Variants in DSCAM observed in about 807,000 individuals in gnomAD.
DSCAM encodes the protein cell adhesion molecule DSCAM.
A neutral mutation model predicts 217.7 loss-of-function variants in DSCAM; 47 were observed. The observed-to-expected ratio is 0.22, with a 90% CI of 0.17 to 0.28. DSCAM has a LOEUF of 0.28. Among genes scored for constraint, DSCAM ranks in the 10% least tolerant of loss-of-function variants. DSCAM has a pLI of 1.00. For synonymous variants in DSCAM, 1,056 were observed against 1,015.3 expected (o/e 1.04, Z -0.76); for missense variants, 2,080 against 2,618.3 (o/e 0.79, Z 4.49).
intron 8 of DSCAM, among the ~76,000 whole-genome samples, chr21:40,319,816 G>A (rs1210494202): frequency 6.6e-6 from 1 of 152,062 alleles, no homozygotes; most frequent in Non-Finnish European, 1.5e-5. Flanking sequence ...CACTCAGAGT[G>A]GGCACCAAGA....
At chr21:40,022,864 ATTTTC>A (rs925085549) in intron 32 of DSCAM, among the ~76,000 whole-genome samples, 4 of 150,770 alleles carry the variant, frequency 2.7e-5, no homozygotes, top group African/African-American at 7.3e-5. Context: ...TTTTAGCAGT[ATTTTC>A]TTTTCTTTTT....
At chr21:40,432,656 T>C (rs945488071) in intron 3 of DSCAM, among the ~76,000 whole-genome samples, 3 of 152,218 alleles carry the variant, frequency 2.0e-5, no homozygotes, top group African/African-American at 4.8e-5. Flanking sequence ...TGCCCTAAAA[T>C]AGATGCCCCT....
intron 3 of DSCAM, among the ~76,000 whole-genome samples, chr21:40,380,393 G>T (rs771764705): frequency 5.1e-4 from 78 of 152,068 alleles, no homozygotes; most frequent in Non-Finnish European, 7.5e-4. Context: ...CTTATAAATT[G>T]TATTTATTTA....
intron 11 of DSCAM, among the ~76,000 whole-genome samples, chr21:40,252,400 A>G (rs1275025631): frequency 6.6e-6 from 1 of 152,156 alleles, no homozygotes; most frequent in Non-Finnish European, 1.5e-5. Context: ...AGATATAAAC[A>G]GCATTGTCTC....
intron 3 of DSCAM, among the ~76,000 whole-genome samples, chr21:40,687,283 T>C (rs9653729): frequency 0.23 from 35,640 of 152,116 alleles, 4,484 homozygotes; most frequent in Middle Eastern, 0.26. Context: ...AAGATGAGGC[T>C]TTCAGGTGAC....
At chr21:40,376,380 T>C (rs2074950606) in intron 3 of DSCAM, among the ~76,000 whole-genome samples, 1 of 149,094 alleles carries the variant, frequency 6.7e-6, no homozygotes, top group Non-Finnish European at 1.5e-5. Flanking sequence ...AAAATAGAAG[T>C]GGAAATAGAA....
At chr21:40,233,752 G>A (rs1339220334) in intron 11 of DSCAM, among the ~76,000 whole-genome samples, 2 of 152,080 alleles carry the variant, frequency 1.3e-5, no homozygotes, top group East Asian at 1.9e-4. Flanking sequence ...TTGACAGAAC[G>A]GTATCTACTA....
At chr21:40,662,391 G>A (rs1056439212) in intron 3 of DSCAM, among the ~76,000 whole-genome samples, 1 of 151,990 alleles carries the variant, frequency 6.6e-6, no homozygotes, top group Non-Finnish European at 1.5e-5. Context: ...TATTGAGACT[G>A]GCATATTTAA....
intron 8 of DSCAM, among the ~76,000 whole-genome samples, chr21:40,324,697 G>A (rs1201614507): frequency 2.6e-5 from 4 of 152,150 alleles, no homozygotes; most frequent in Non-Finnish European, 1.5e-5. Context: ...GACAGGTTAT[G>A]TTTCCCCTGG....
intron 3 of DSCAM, among the ~76,000 whole-genome samples, chr21:40,377,827 G>C (rs2074978655): frequency 1.3e-5 from 2 of 152,104 alleles, no homozygotes. Flanking sequence ...ACTTCTAAAG[G>C]ATGCTGCAAA....
At chr21:40,560,340 G>A (rs1463396653) in intron 3 of DSCAM, among the ~76,000 whole-genome samples, 1 of 152,136 alleles carries the variant, frequency 6.6e-6, no homozygotes. Flanking sequence ...GGCTCCAGGG[G>A]GACCCCCTGT....
chr21:40,566,527 A>G lies in DSCAM; in HGVS notation c.508+126283T>C, dbSNP rs1220120675. 2.0e-5 allele frequency among the ~76,000 whole-genome samples: 3 copies of G among 152,208 alleles called. No homozygotes were observed. The East Asian group carries it at 5.8e-4, about 29-fold the overall frequency. On this transcript the variant is annotated intron_variant, in intron 3 of 32. Coordinates refer to ENST00000400454, the MANE Select transcript of DSCAM (RefSeq NM_001389.5). ...CTACTCACCACCCAACACATTATTC[A>G]TTATGCAAAAGTAATTTGAATTCAT... is the stretch of plus-strand genomic sequence containing the variant.
At chr21:40,046,772 G>T (rs1194586655) in intron 30 of DSCAM, among the ~76,000 whole-genome samples, 1 of 151,908 alleles carries the variant, frequency 6.6e-6, no homozygotes, top group Non-Finnish European at 1.5e-5. Context: ...ATGGAAGTTG[G>T]GGGGTGGTTG....
intron 3 of DSCAM, among the ~76,000 whole-genome samples, chr21:40,491,048 C>T (rs1164688174): frequency 1.3e-5 from 2 of 152,116 alleles, no homozygotes; most frequent in African/African-American, 4.8e-5. Flanking sequence ...TGAGTCTCTG[C>T]CCCCGTGTTT....
chr21:40,807,466 T>G (rs2123525620), intron 1 of DSCAM, among the ~76,000 whole-genome samples: 2 of 150,278 alleles, frequency 1.3e-5, no homozygotes, highest in South Asian at 2.2e-4. Context: ...TGGGGCGGGA[T>G]GGGGGTGGAG....
chr21:40,253,999 G>A (rs1477699280), intron 11 of DSCAM, among the ~76,000 whole-genome samples: 1 of 152,208 alleles, frequency 6.6e-6, no homozygotes, highest in African/African-American at 2.4e-5. Context: ...CACTGCTGGT[G>A]TCTGACATAA....
At chr21:40,166,116 T>A (rs1034696879) in intron 16 of DSCAM, among the ~76,000 whole-genome samples, 3 of 152,128 alleles carry the variant, frequency 2.0e-5, no homozygotes, top group African/African-American at 7.2e-5. Flanking sequence ...AAAATCCATT[T>A]TTGTTACAGA....
At chr21:40,518,757 A>T (rs2076336026) in intron 3 of DSCAM, among the ~76,000 whole-genome samples, 1 of 150,066 alleles carries the variant, frequency 6.7e-6, no homozygotes, top group Non-Finnish European at 1.5e-5. Context: ...TATAGGAAGA[A>T]CATCCATCCA....
intron 19 of DSCAM, among the ~76,000 whole-genome samples, chr21:40,132,196 C>T (rs1173748717): frequency 6.6e-6 from 1 of 152,170 alleles, no homozygotes; most frequent in East Asian, 1.9e-4. Flanking sequence ...AAGCATCCCA[C>T]TCTGTGGCAA....
Sources: allele counts gnomAD v4.1 joint callset (sites outside exome capture counted in the v4.1 genomes callset), GRCh38; gene constraint gnomAD v4.1.1; transcripts MANE v1.5; gene names NCBI Gene and HGNC (gene_info 2026-07-23, HGNC 2026-07-21).